Variants in RIMS2 observed in about 807,000 individuals in gnomAD.
RIMS2 encodes the protein regulating synaptic membrane exocytosis 2, also known as regulating synaptic membrane exocytosis protein 2.
RIMS2 carries 59 observed loss-of-function variants against 174.4 expected under a neutral mutation model. The ratio of observed to expected loss-of-function variants is 0.34; its 90% CI spans 0.27 to 0.42. The LOEUF (loss-of-function observed/expected upper bound fraction) is 0.42, where lower values mean the gene tolerates loss of function less well. RIMS2 is among the 10% of genes least tolerant of loss of function. The probability of loss-of-function intolerance (pLI) is 1.00; values close to 1 mark genes in which losing one functional copy is unlikely to be tolerated. For missense variants in RIMS2, 1,620 were observed against 1,666.3 expected (o/e 0.97, Z 0.48); for synonymous variants, 606 against 572.5 (o/e 1.06, Z -0.84).
chr8:104,055,013 A>G (rs893030171), intron 19 of RIMS2, among the ~76,000 whole-genome samples: 2 of 152,084 alleles, frequency 1.3e-5, no homozygotes, highest in East Asian at 3.8e-4. Flanking sequence ...TTGAAGGAGG[A>G]GAAAAGTGAG....
chr8:103,622,623 C>G (rs541185550), intron 1 of RIMS2, among the ~76,000 whole-genome samples: 1 of 152,136 alleles, frequency 6.6e-6, no homozygotes, highest in African/African-American at 2.4e-5. Context: ...ATGCACATTC[C>G]GTTTTCAAAG....
intron 17 of RIMS2, chr8:103,998,126 CT>C (rs889597992): frequency 5.6e-4 from 707 of 1,272,250 alleles, no homozygotes; most frequent in African/African-American, 2.7e-3. Flanking sequence ...TTAAACTATA[CT>C]TTTTTTTCAC....
intron 4 of RIMS2, among the ~76,000 whole-genome samples, chr8:103,908,208 A>AT (rs1201756938): frequency 6.6e-6 from 1 of 151,634 alleles, no homozygotes; most frequent in Non-Finnish European, 1.5e-5. Flanking sequence ...TGCCCAGCTA[A>AT]TTTTTTGTAT....
intron 5 of RIMS2, 62 bp downstream of exon 8, chr8:103,910,591 A>G: frequency 1.1e-6 from 1 of 903,298 alleles, no homozygotes; most frequent in East Asian, 2.5e-5. Context: ...GCTCTCTGTC[A>G]CTCATTAAAA....
At chr8:103,921,464 G>C (rs952591050) in intron 9 of RIMS2, among the ~76,000 whole-genome samples, 2 of 152,124 alleles carry the variant, frequency 1.3e-5, no homozygotes, top group Non-Finnish European at 2.9e-5. Context: ...ATGGTTCACT[G>C]TTAGTCTTAA....
chr8:104,180,636 T>C (rs1170060730), intron 19 of RIMS2, among the ~76,000 whole-genome samples: 1 of 151,748 alleles, frequency 6.6e-6, no homozygotes, highest in East Asian at 1.9e-4. Flanking sequence ...CTTTCATTTG[T>C]ACTGTTGCTT....
intron 3 of RIMS2, among the ~76,000 whole-genome samples, chr8:103,845,865 T>C (rs1234719992): frequency 6.6e-6 from 1 of 152,122 alleles, no homozygotes; most frequent in Non-Finnish European, 1.5e-5. Flanking sequence ...AATATTTAAG[T>C]ACCTACAACT....
intron 3 of RIMS2, among the ~76,000 whole-genome samples, chr8:103,804,791 T>A (rs2154458273): frequency 6.6e-6 from 1 of 152,200 alleles, no homozygotes; most frequent in East Asian, 1.9e-4. Context: ...TATAAGGAGT[T>A]TGTAGAAATT....
chr8:103,910,086 C>T (rs1012315845), intron 4 of RIMS2: 2 of 1,204,706 alleles, frequency 1.7e-6, no homozygotes, highest in Admixed American at 1.9e-5. Flanking sequence ...CTGTCTGTCC[C>T]TTTTTTCACC....
chr8:104,016,012 A>G (rs532607380), intron 19 of RIMS2, among the ~76,000 whole-genome samples: 2 of 152,216 alleles, frequency 1.3e-5, no homozygotes, highest in East Asian at 3.9e-4. Flanking sequence ...TAGTTTTATT[A>G]TCAAACACTA....
intron 19 of RIMS2, among the ~76,000 whole-genome samples, chr8:104,131,680 T>A (rs2098474720): frequency 1.3e-5 from 2 of 151,688 alleles, no homozygotes; most frequent in Non-Finnish European, 2.9e-5. Context: ...ATATTTTAAA[T>A]TTGTGGAGGA....
intron 1 of RIMS2, among the ~76,000 whole-genome samples, chr8:103,690,217 G>A (rs2097002076): frequency 6.6e-6 from 1 of 152,128 alleles, no homozygotes; most frequent in South Asian, 2.1e-4. Flanking sequence ...CCCCACCTCA[G>A]CTTCCTGAAG....
At position 103,917,926 on chromosome 8, in the gene RIMS2, G is replaced by A. The variant is rs567157004; in HGVS notation, c.2037-515G>A. Reference sequence around the variant, plus strand: ...GGAGGTTGCAGTGAGCTGAGATCGCGGCACTGCACTCCAGCCTGGTGACAG... The same window carrying A: ...GGAGGTTGCAGTGAGCTGAGATCGCAGCACTGCACTCCAGCCTGGTGACAG... On this transcript the variant is annotated intron_variant, in intron 8 of 23. Coordinates refer to ENST00000504942, the Ensembl canonical transcript of RIMS2. Among the ~76,000 whole-genome samples, 17 of 151,868 alleles carry A rather than the reference G, an allele frequency of 1.1e-4. No homozygotes were observed. The South Asian group carries it at 1.3e-3, about 11-fold the overall frequency.
chr8:103,946,851 G>T (rs2083927786), intron 14 of RIMS2, among the ~76,000 whole-genome samples: 1 of 152,122 alleles, frequency 6.6e-6, no homozygotes, highest in Non-Finnish European at 1.5e-5. Context: ...CATACTTATT[G>T]TACAGCTACA....
At chr8:103,789,180 C>G (rs1175859081) in intron 3 of RIMS2, among the ~76,000 whole-genome samples, 1 of 152,118 alleles carries the variant, frequency 6.6e-6, no homozygotes, top group Non-Finnish European at 1.5e-5. Flanking sequence ...CTGGCACTCC[C>G]TAGTGAGATG....
At chr8:103,561,526 T>C (rs574257657) in intron 1 of RIMS2, among the ~76,000 whole-genome samples, 7 of 152,316 alleles carry the variant, frequency 4.6e-5, no homozygotes, top group African/African-American at 1.7e-4. Context: ...TTACCAGTTC[T>C]TACCCATCGA....
At chr8:103,880,639 T>G (rs1326598805) in intron 3 of RIMS2, 5 of 520,520 alleles carry the variant, frequency 9.6e-6, no homozygotes, top group Non-Finnish European at 1.8e-5. Context: ...TTGATGTATT[T>G]TTGTCAACAT....
In RIMS2 at chr8:104,014,521, T is replaced by C. The variant is rs769081371; in HGVS notation, c.3240T>C (p.Thr1080=). The change falls in exon 19 of 24, where the codon ACT becomes ACC. Residue 1080 remains threonine (T), a synonymous_variant. Coordinates refer to ENST00000504942, the Ensembl canonical transcript of RIMS2. ...GTGTCTTTAGGTCTCATCCTCGTACTGGGTCTGTCCAGACAAGCCCATCAA... is the reference window on the plus strand; with the variant it reads ...GTGTCTTTAGGTCTCATCCTCGTACCGGGTCTGTCCAGACAAGCCCATCAA... 5 of 1,607,758 alleles carry C rather than the reference T, an allele frequency of 3.1e-6. No individual in the cohort carries two copies. In the Admixed American group the frequency reaches 8.3e-5, roughly 27 times the overall value.
intron 1 of RIMS2, among the ~76,000 whole-genome samples, chr8:103,579,225 TC>T (rs2093448928): frequency 1.0e-5 from 1 of 98,750 alleles, no homozygotes; most frequent in Admixed American, 1.0e-4. Flanking sequence ...ATAGCAATAC[TC>T]TCTCTCTCTC....
Sources: allele counts gnomAD v4.1 joint callset (sites outside exome capture counted in the v4.1 genomes callset), GRCh38; gene constraint gnomAD v4.1.1; transcripts MANE v1.5; gene names NCBI Gene and HGNC (gene_info 2026-07-23, HGNC 2026-07-21).